Variants in LINGO2 observed in about 807,000 individuals in gnomAD.
LINGO2 encodes the protein leucine rich repeat and Ig domain containing 2, also known as leucine-rich repeat and immunoglobulin-like domain-containing nogo receptor-interacting protein 2.
In LINGO2, 14 loss-of-function variants were observed where a neutral mutation model predicts 30.6. The observed-to-expected ratio is 0.46, with a 90% CI of 0.30 to 0.72. The LOEUF (loss-of-function observed/expected upper bound fraction) is 0.72. Ranked by LOEUF, LINGO2 falls within the 30% of genes least tolerant of loss-of-function variation. LINGO2 has a pLI of 0.07. For missense variants in LINGO2, 729 were observed against 751.7 expected (o/e 0.97, Z 0.35); for synonymous variants, 317 against 288.5 (o/e 1.10, Z -1.00).
chr9:28,082,243 T>C (rs768536190), intron 4 of LINGO2, among the ~76,000 whole-genome samples: 92 of 152,182 alleles, frequency 6.0e-4, no homozygotes, highest in Non-Finnish European at 1.2e-3. Flanking sequence ...TAGGCTGTCA[T>C]CTTTGTTGAT....
the LINGO2 span, among the ~76,000 whole-genome samples, chr9:28,825,836 G>A: frequency 6.6e-6 from 1 of 152,092 alleles, no homozygotes; most frequent in African/African-American, 2.4e-5. Context: ...AGGTCTTTCA[G>A]AAACTTCGAG....
intron 2 of LINGO2, among the ~76,000 whole-genome samples, chr9:28,410,685 T>C (rs1412234): frequency 0.26 from 39,394 of 152,040 alleles, 5,706 homozygotes; most frequent in Non-Finnish European, 0.32. Flanking sequence ...ACAATCTGTA[T>C]TTGAAAGATT....
chr9:29,063,922 A>G, the LINGO2 span, among the ~76,000 whole-genome samples: 2 of 152,180 alleles, frequency 1.3e-5, no homozygotes, highest in East Asian at 3.8e-4. Context: ...ATTGGTGATA[A>G]GTTTAACACC....
In LINGO2 at chr9:28,585,737, C is replaced by T. The variant is rs185621582; in HGVS notation, c.-365+84463G>A. On this transcript the variant is annotated intron_variant, in intron 1 of 5. Coordinates refer to ENST00000379992, the Ensembl canonical transcript of LINGO2. ...ATTAACCTCGTCGTAAGTTGAGAAG[C>T]ATTGATATTAAGAATACTAAGTTCT... Among the ~76,000 whole-genome samples, 51 of 152,104 alleles carry T rather than the reference C, an allele frequency of 3.4e-4. No individual in the cohort carries two copies. The Middle Eastern group carries it at 0.01, about 30-fold the overall frequency.
At chr9:29,021,812 C>A in the LINGO2 span, among the ~76,000 whole-genome samples, 3 of 151,890 alleles carry the variant, frequency 2.0e-5, no homozygotes, top group Non-Finnish European at 4.4e-5. Context: ...ATTTTGTTTG[C>A]CTTCTTTTTT....
At chr9:27,951,741 G>A (rs1049954237) in intron 5 of LINGO2, among the ~76,000 whole-genome samples, 1 of 152,142 alleles carries the variant, frequency 6.6e-6, no homozygotes, top group East Asian at 1.9e-4. Context: ...TTTAATTAAG[G>A]TTCAGTAGTT....
chr9:28,652,509 T>A (rs1428103689), intron 1 of LINGO2, among the ~76,000 whole-genome samples: 1 of 152,084 alleles, frequency 6.6e-6, no homozygotes, highest in Non-Finnish European at 1.5e-5. Context: ...ATCCCTGAGT[T>A]TCCAATACAT....
At chr9:28,164,627 G>T (rs969213531) in intron 4 of LINGO2, among the ~76,000 whole-genome samples, 1 of 152,242 alleles carries the variant, frequency 6.6e-6, no homozygotes, top group South Asian at 2.1e-4. Context: ...AGGAAGCAAA[G>T]GTCACCTTGA....
intron 1 of LINGO2, among the ~76,000 whole-genome samples, chr9:28,666,788 C>T (rs942068612): frequency 6.6e-6 from 1 of 152,114 alleles, no homozygotes; most frequent in African/African-American, 2.4e-5. Flanking sequence ...ATTGTAACCA[C>T]TGAAATATTT....
chr9:28,828,578 T>A, the LINGO2 span, among the ~76,000 whole-genome samples: 1 of 152,056 alleles, frequency 6.6e-6, no homozygotes, highest in Non-Finnish European at 1.5e-5. Context: ...CAGCTTTTGA[T>A]AGGTGGAGTG....
chr9:28,736,421 A>G, the LINGO2 span, among the ~76,000 whole-genome samples: 1,942 of 152,278 alleles, frequency 0.013, 46 homozygotes, highest in African/African-American at 0.043. Flanking sequence ...CAGTCTAAAC[A>G]CCTTCTATAA....
the LINGO2 span, among the ~76,000 whole-genome samples, chr9:28,717,369 G>C: frequency 6.6e-6 from 1 of 151,686 alleles, no homozygotes; most frequent in African/African-American, 2.4e-5. Flanking sequence ...AGATGAAGGG[G>C]GGATTTTTAA....
the LINGO2 span, among the ~76,000 whole-genome samples, chr9:29,133,215 T>C: frequency 6.6e-6 from 1 of 152,162 alleles, no homozygotes; most frequent in Non-Finnish European, 1.5e-5. Context: ...ACTTTTTCTA[T>C]AAAAGCATGT....
intron 1 of LINGO2, among the ~76,000 whole-genome samples, chr9:28,652,404 G>C (rs1828143657): frequency 6.6e-6 from 1 of 151,998 alleles, no homozygotes; most frequent in South Asian, 2.1e-4. Flanking sequence ...TAAGTTCTTT[G>C]TTTATTTTTG....
the LINGO2 span, among the ~76,000 whole-genome samples, chr9:29,160,445 GA>G: frequency 6.6e-6 from 1 of 152,164 alleles, no homozygotes; most frequent in Non-Finnish European, 1.5e-5. Flanking sequence ...GAGTGTTTGT[GA>G]AAATTGAGAT....
chr9:28,005,221 T>C (rs557051376), intron 5 of LINGO2, among the ~76,000 whole-genome samples: 48 of 152,316 alleles, frequency 3.2e-4, no homozygotes, highest in African/African-American at 8.2e-4. Context: ...CTCAGCCAAA[T>C]AATCATGTCA....
chr9:28,470,049 T>C (rs1825461076), intron 2 of LINGO2, among the ~76,000 whole-genome samples: 1 of 152,164 alleles, frequency 6.6e-6, no homozygotes, highest in South Asian at 2.1e-4. Context: ...TATGTATATA[T>C]AGACGTAATT....
intron 1 of LINGO2, among the ~76,000 whole-genome samples, chr9:28,542,283 C>A (rs1821734300): frequency 6.6e-6 from 1 of 151,256 alleles, no homozygotes; most frequent in Non-Finnish European, 1.5e-5. Flanking sequence ...GAAAAAAAAA[C>A]AGGCAGCTGC....
chr9:28,671,642 G>A (rs1829018635), upstream of LINGO2, among the ~76,000 whole-genome samples: 1 of 151,932 alleles, frequency 6.6e-6, no homozygotes, highest in African/African-American at 2.4e-5. Context: ...GAGAGTGGAG[G>A]GTGGGAGGAG....
Sources: gnomAD v4.1 joint callset for allele counts (sites outside exome capture counted in the v4.1 genomes callset) on GRCh38, gnomAD v4.1.1 for gene constraint, MANE v1.5 for transcripts, NCBI Gene and HGNC (gene_info 2026-07-23, HGNC 2026-07-21) for gene names.